The following ZNF346 variants were observed in gnomAD, a reference collection of about 807,000 sequenced individuals.
ZNF346 encodes the protein double-stranded RNA-binding zinc finger protein JAZ.
A neutral mutation model predicts 33.7 loss-of-function variants in ZNF346; 23 were observed. The observed-to-expected ratio is 0.68, with a 90% CI of 0.49 to 0.97. The LOEUF is 0.97. Among genes scored for constraint, ZNF346 ranks in the 50% least tolerant of loss-of-function variants. The pLI, the probability that ZNF346 is intolerant of heterozygous loss-of-function variation, is 0.00. For synonymous variants in ZNF346, 134 were observed against 142.4 expected, an observed-to-expected ratio of 0.94 and a Z score of 0.42; for missense variants, 340 against 371.1, an observed-to-expected ratio of 0.92 and a Z score of 0.69.
chr5:177,023,304 G>A, intron 1 of ZNF346: 1 of 1,129,800 alleles, frequency 8.9e-7, no homozygotes, highest in Admixed American at 2.0e-5. Flanking sequence ...TTTCCTCCTA[G>A]GGCCTCTCGC....
intron 3 of ZNF346, among the ~76,000 whole-genome samples, chr5:177,043,672 G>A (rs1779653328): frequency 6.6e-6 from 1 of 152,042 alleles, no homozygotes; most frequent in Non-Finnish European, 1.5e-5. Flanking sequence ...GGGTGGGTGG[G>A]AGAATTGCTT....
rs756708351 is a variant in ZNF346, at chr5:177,041,134, A to G, written c.184A>G (p.Met62Val). 3 of 1,613,722 alleles carry G rather than the reference A, an allele frequency of 1.9e-6. No homozygotes were observed. Among genetic ancestry groups the G allele is most frequent in the Admixed American group, 1.7e-5 (1 of 60,016 alleles). Reference sequence around the variant, plus strand: ...TGTTTTCCCCTCTATAGTGGAGCACATGATCCAGAAGAACCAATGTCTCTT... The same window carrying G: ...TGTTTTCCCCTCTATAGTGGAGCACGTGATCCAGAAGAACCAATGTCTCTT... Reference protein sequence around the residue: ...QPVGREEVEHMIQKNQCLFTN... With the variant: ...QPVGREEVEHVIQKNQCLFTN... The change falls in exon 2 of 7, where the codon ATG becomes GTG. Residue 62 changes from methionine to valine, a missense_variant. Met to Val is a conservative substitution (Grantham distance 21). Coordinates refer to ENST00000358149, the MANE Select transcript of ZNF346 (RefSeq NM_012279.4).
chr5:177,054,784 G>T (rs1046699537), intron 5 of ZNF346, among the ~76,000 whole-genome samples: 2 of 152,122 alleles, frequency 1.3e-5, no homozygotes, highest in Non-Finnish European at 2.9e-5. Flanking sequence ...GTTGAGTGGG[G>T]AGTGGTGGCG....
chr5:177,041,965 C>G (rs1750240674), intron 3 of ZNF346, 95 bp downstream of exon 3: 1 of 729,890 alleles, frequency 1.4e-6, no homozygotes, highest in Admixed American at 2.3e-5. Context: ...GGCTTCAAAT[C>G]CTGGCCCTGT....
rs1581967896 is a variant in ZNF346, at chr5:177,064,722, T to C, written c.*123T>C. Reference sequence around the variant, plus strand: ...GAAAGTACACGGGCCTGAGGCAGGATTGGGCCACAGACAGCCTCTCATTGG... The same window carrying C: ...GAAAGTACACGGGCCTGAGGCAGGACTGGGCCACAGACAGCCTCTCATTGG... On this transcript the variant is annotated 3_prime_UTR_variant, in exon 7 of 7. Transcript: ENST00000358149. 3 of 765,192 alleles carry C rather than the reference T, an allele frequency of 3.9e-6. No individual in the cohort carries two copies. The East Asian group carries it at 7.6e-5, about 19-fold the overall frequency. 47.4% of individuals were successfully genotyped at this position (765,192 alleles called of 1,614,324 possible).
intron 5 of ZNF346, among the ~76,000 whole-genome samples, chr5:177,056,923 TTAAAAA>T (rs1447888609): frequency 6.6e-6 from 1 of 152,084 alleles, no homozygotes; most frequent in Non-Finnish European, 1.5e-5. Flanking sequence ...ATAAAATAAA[TTAAAAA>T]TAAAAAACAA....
In ZNF346 at chr5:177,066,933, A is replaced by AC. The variant is rs1783222935; in HGVS notation, c.*2335dup. Among the ~76,000 whole-genome samples the AC allele has an allele frequency of 1.3e-5, 2 of 152,086 alleles. No homozygotes were observed. The highest frequency in any genetic ancestry group is 4.2e-4 in the South Asian group (2 of 4,812). ...GAAAATCAGCTGCGCCTGGTGGCACACATCTGTAGTCCCAGCTACTTGGGA... is the reference window on the plus strand; with the variant it reads ...GAAAATCAGCTGCGCCTGGTGGCACACCATCTGTAGTCCCAGCTACTTGGGA... On this transcript the variant is annotated 3_prime_UTR_variant, in exon 7 of 7. Coordinates refer to ENST00000358149, the MANE Select transcript of ZNF346 (RefSeq NM_012279.4).
intron 1 of ZNF346, among the ~76,000 whole-genome samples, chr5:177,036,872 C>T (rs543896452): frequency 1.3e-5 from 2 of 152,190 alleles, no homozygotes; most frequent in African/African-American, 4.8e-5. Flanking sequence ...ATTGAGGCTA[C>T]AGTGAGCTGA....
downstream of ZNF346, among the ~76,000 whole-genome samples, chr5:177,071,706 A>T (rs1783516082): frequency 6.6e-6 from 1 of 151,616 alleles, no homozygotes; most frequent in South Asian, 2.1e-4. Flanking sequence ...AAGAAGAAGA[A>T]GAAGAAAGCC....
At position 177,064,578 on chromosome 5, in the gene ZNF346, C is replaced by T; in HGVS notation, c.864C>T (p.Asp288=). ...TGCAAAGGCAACCCATTCAGAAAGA[C>T]TCAACCACCTTGGAAGACTAGAGGT... The part of the protein sequence containing the change: ...IPMQRQPIQK[D]STTLED Residue 288 remains aspartate, a synonymous_variant, in exon 7 of 7, where the codon GAC becomes GAT. Transcript: ENST00000358149. The T allele has an allele frequency of 6.2e-7, 1 of 1,614,194 alleles. No individual in the cohort carries two copies. The highest frequency in any genetic ancestry group is 1.1e-5 in the South Asian group (1 of 91,086).
intron 5 of ZNF346, among the ~76,000 whole-genome samples, chr5:177,054,470 C>T (rs937190681): frequency 2.0e-5 from 3 of 152,110 alleles, no homozygotes; most frequent in Admixed American, 1.3e-4. Context: ...GCCATCTCAG[C>T]TCACTGGAAC....
Position 177,050,814 on chromosome 5 carries a change from T to TCC in ZNF346, c.582_583insCC (p.Asn195ProfsTer25). 6.2e-7 allele frequency: 1 copy of TCC among 1,614,182 alleles called. No individual in the cohort carries two copies. Among genetic ancestry groups the TCC allele is most frequent in the African/African-American group, 1.3e-5 (1 of 75,054 alleles). ...TTCTGCAGCCTCTGCCATGCAACTT[T>TCC]CAACGACCCTGTCATGGCTCAACAA... is the stretch of plus-strand genomic sequence containing the variant. On this transcript the variant is annotated frameshift_variant, in exon 5 of 7. Transcript: ENST00000358149. LOFTEE classifies it high-confidence loss of function.
At chr5:177,070,739 G>A (rs1214332932), downstream of ZNF346, among the ~76,000 whole-genome samples, 1 of 152,172 alleles carries the variant, frequency 6.6e-6, no homozygotes, top group Non-Finnish European at 1.5e-5. Context: ...GATGGCATCT[G>A]GCATAGCCCC....
At chr5:177,061,544 A>T (rs907002525) in intron 5 of ZNF346, among the ~76,000 whole-genome samples, 7 of 152,224 alleles carry the variant, frequency 4.6e-5, no homozygotes, top group African/African-American at 1.4e-4. Context: ...CTCCTCCCTC[A>T]CTACCAGACC....
chr5:177,075,982 C>T (rs749887422), intron 8 of ZNF346, among the ~76,000 whole-genome samples: 10 of 152,010 alleles, frequency 6.6e-5, no homozygotes, highest in African/African-American at 1.9e-4. Flanking sequence ...CCACCACGCC[C>T]GTCTGGCTAA....
chr5:177,054,056 T>C (rs1038677356), intron 5 of ZNF346, among the ~76,000 whole-genome samples: 2 of 150,478 alleles, frequency 1.3e-5, no homozygotes, highest in East Asian at 2.0e-4. Context: ...AAAAAACTTA[T>C]GAATTGTTTA....
At chr5:177,072,768 G>A (rs549829160), downstream of ZNF346, among the ~76,000 whole-genome samples, 211 of 152,236 alleles carry the variant, frequency 1.4e-3, 1 homozygote, top group African/African-American at 4.8e-3. Context: ...AGTATTGCTT[G>A]AACCCGTGAG....
intron 1 of ZNF346, among the ~76,000 whole-genome samples, chr5:177,034,490 G>A (rs1025665045): frequency 6.6e-6 from 1 of 152,068 alleles, no homozygotes; most frequent in African/African-American, 2.4e-5. Flanking sequence ...GCCTCCCAAA[G>A]TGCTGGGATT....
At chr5:177,062,868 G>T (rs1782710573) in intron 6 of ZNF346, among the ~76,000 whole-genome samples, 1 of 152,184 alleles carries the variant, frequency 6.6e-6, no homozygotes, top group South Asian at 2.1e-4. Context: ...AAGTGGTGAT[G>T]TGAATGAAGC....
Sources: allele counts gnomAD v4.1 joint callset (sites outside exome capture counted in the v4.1 genomes callset), GRCh38; gene constraint gnomAD v4.1.1; transcripts MANE v1.5; gene names NCBI Gene and HGNC (gene_info 2026-07-23, HGNC 2026-07-21).